RYR3: variants seen among roughly 807,000 people sequenced by gnomAD.
RYR3 encodes ryanodine receptor 3.
RYR3 carries 207 observed loss-of-function variants against 584.3 expected under a neutral mutation model. The observed-to-expected ratio is 0.35, with a 90% CI of 0.32 to 0.40. The LOEUF (loss-of-function observed/expected upper bound fraction) is 0.40. Ranked by LOEUF, RYR3 falls within the 10% of genes least tolerant of loss-of-function variation. The pLI, the probability that RYR3 is intolerant of heterozygous loss-of-function variation, is 1.00. For missense variants in RYR3, 5,616 were observed against 6,089.2 expected, an observed-to-expected ratio of 0.92 and a Z score of 2.59; for synonymous variants, 2,416 against 2,248.5, an observed-to-expected ratio of 1.07 and a Z score of -2.11.
At chr15:33,403,354 A>G (rs2042809943) in intron 1 of RYR3, among the ~76,000 whole-genome samples, 2 of 152,210 alleles carry the variant, frequency 1.3e-5, no homozygotes, top group South Asian at 2.1e-4. Context: ...CTAGACTCCA[A>G]ATGATAAGAT....
At position 33,398,014 on chromosome 15, in the gene RYR3, C is replaced by T. The variant is rs578140648; in HGVS notation, c.52-75405C>T. Among the ~76,000 whole-genome samples the T allele has an allele frequency of 9.9e-5, 15 of 152,252 alleles. 1 individual carries two copies. The South Asian group carries it at 3.1e-3, about 32-fold the overall frequency. The stretch of plus-strand genomic sequence containing the variant: ...GATTTTATTTTTAGTTTACAAATAT[C>T]ACAAGCCTGGTATGCCAAATATAAA... On this transcript the variant is annotated intron_variant, in intron 1 of 103. Coordinates refer to ENST00000634891, the MANE Select transcript of RYR3 (RefSeq NM_001036.6).
intron 2 of RYR3, among the ~76,000 whole-genome samples, chr15:33,489,890 C>T (rs1253898147): frequency 6.6e-6 from 1 of 151,580 alleles, no homozygotes; most frequent in Non-Finnish European, 1.5e-5. Context: ...TAATAATGGC[C>T]GTTCTGACTG....
chr15:33,555,251 T>G (rs7178387), intron 10 of RYR3, among the ~76,000 whole-genome samples: 2,282 of 152,238 alleles, frequency 0.015, 60 homozygotes, highest in African/African-American at 0.052. Flanking sequence ...ATGGTGCACC[T>G]GTCTCTGAAA....
chr15:33,466,206 G>A (rs1447582765), intron 1 of RYR3, among the ~76,000 whole-genome samples: 1 of 152,144 alleles, frequency 6.6e-6, no homozygotes, highest in Non-Finnish European at 1.5e-5. Context: ...AGGTAAAGAA[G>A]AGAACTCTGA....
chr15:33,374,910 A>G (rs1302401810), intron 1 of RYR3, among the ~76,000 whole-genome samples: 1 of 152,190 alleles, frequency 6.6e-6, no homozygotes, highest in African/African-American at 2.4e-5. Context: ...CCTTGCTTCT[A>G]AATTTAAAAG....
At chr15:33,788,110 G>A in intron 66 of RYR3, 108 bp from the exon 67 acceptor site, 5 of 1,354,596 alleles carry the variant, frequency 3.7e-6, no homozygotes, top group South Asian at 2.6e-5. Context: ...AGGGGCAGGT[G>A]CCATCCTGAG....
intron 1 of RYR3, among the ~76,000 whole-genome samples, chr15:33,440,582 T>A: frequency 6.6e-6 from 1 of 152,164 alleles, no homozygotes; most frequent in East Asian, 1.9e-4. Context: ...GCAGCCTTCA[T>A]AACAAAGAAT....
chr15:33,393,525 T>C (rs969936849), intron 1 of RYR3, among the ~76,000 whole-genome samples: 5 of 152,106 alleles, frequency 3.3e-5, no homozygotes, highest in African/African-American at 9.7e-5. Flanking sequence ...AGGAAGAGCT[T>C]ATTATTGATA....
In RYR3 at chr15:33,581,590, A is replaced by C; in HGVS notation, c.1520A>C (p.Glu507Ala). The C allele has an allele frequency of 6.2e-7, 1 of 1,613,706 alleles. No individual in the cohort carries two copies. The highest frequency in any genetic ancestry group is 8.5e-7 in the Non-Finnish European group (1 of 1,179,606). Residue 507 changes from glutamate to alanine, a missense_variant, in exon 14 of 104, where the codon GAA becomes GCA. Transcript: ENST00000634891. ...SVAHFAGIAR[E>A]ESGMAWKEIL... is the part of the protein sequence containing the mutation. Reference sequence around the variant, plus strand: ...GCACACTTTGCAGGGATTGCAAGGGAAGAGAGTGGCATGGCCTGGAAAGAA... The same window carrying C: ...GCACACTTTGCAGGGATTGCAAGGGCAGAGAGTGGCATGGCCTGGAAAGAA...
At chr15:33,583,774 A>C (rs1371735884) in intron 14 of RYR3, among the ~76,000 whole-genome samples, 5 of 152,126 alleles carry the variant, frequency 3.3e-5, no homozygotes, top group Admixed American at 3.3e-4. Flanking sequence ...TATTTACGCC[A>C]GGCATGGTAG....
At chr15:33,447,494 G>A (rs1304405403) in intron 1 of RYR3, among the ~76,000 whole-genome samples, 1 of 152,124 alleles carries the variant, frequency 6.6e-6, no homozygotes, top group East Asian at 1.9e-4. Flanking sequence ...GACTTCTTAG[G>A]AGGTTAAGGT....
intron 1 of RYR3, among the ~76,000 whole-genome samples, chr15:33,348,637 G>A (rs1224250289): frequency 2.0e-5 from 3 of 151,844 alleles, no homozygotes; most frequent in Non-Finnish European, 4.4e-5. Context: ...CACCATGCCC[G>A]GGCTAATTTT....
chr15:33,802,176 A>G, intron 69 of RYR3: 2 of 693,228 alleles, frequency 2.9e-6, no homozygotes, highest in South Asian at 1.4e-5. Flanking sequence ...AGCTGCTTGT[A>G]TGTCAAAAAG....
At chr15:33,653,740 C>G (rs1434169938) in intron 32 of RYR3, among the ~76,000 whole-genome samples, 1 of 152,012 alleles carries the variant, frequency 6.6e-6, no homozygotes, top group Non-Finnish European at 1.5e-5. Flanking sequence ...TTCCATAGAG[C>G]TACTCAGGAA....
chr15:33,790,437 A>G (rs939523155), intron 67 of RYR3, among the ~76,000 whole-genome samples: 5 of 152,082 alleles, frequency 3.3e-5, no homozygotes, highest in African/African-American at 1.2e-4. Context: ...CCAAATTGGG[A>G]ATGAGAGAAA....
intron 52 of RYR3, among the ~76,000 whole-genome samples, chr15:33,744,333 A>C (rs576018734): frequency 6.6e-6 from 1 of 152,288 alleles, no homozygotes; most frequent in East Asian, 1.9e-4. Context: ...TCAATTTTAC[A>C]TTCACTTGTA....
At position 33,662,803 on chromosome 15, in the gene RYR3, A is replaced by C. The variant is rs2063244543; in HGVS notation, c.5273A>C (p.His1758Pro). The C allele has an allele frequency of 1.2e-6, 2 of 1,613,880 alleles. No homozygotes were observed. The highest frequency in any genetic ancestry group is 8.5e-7 in the Non-Finnish European group (1 of 1,179,900). The change falls in exon 35 of 104, where the codon CAT becomes CCT. Residue 1758 changes from histidine to proline, a missense_variant. Transcript: ENST00000634891. ...ATTGATCCCTCTGTGTTTGGGGAGC[A>C]TAGTGCGGGGACAGAGGAGGGAGCA... ...LLIDPSVFGE[H>P]SAGTEEGAEK...
intron 4 of RYR3, among the ~76,000 whole-genome samples, chr15:33,531,865 A>G (rs1413977176): frequency 1.3e-5 from 2 of 152,164 alleles, no homozygotes; most frequent in Non-Finnish European, 2.9e-5. Flanking sequence ...GTTTATCTAT[A>G]GGGTAAATAA....
chr15:33,672,710 T>A (rs1172508103), intron 38 of RYR3, among the ~76,000 whole-genome samples: 1 of 152,248 alleles, frequency 6.6e-6, no homozygotes, highest in Non-Finnish European at 1.5e-5. Context: ...GGTAATTTTG[T>A]TCATGCTATT....
Sources: gnomAD v4.1 joint callset for allele counts (sites outside exome capture counted in the v4.1 genomes callset) on GRCh38, gnomAD v4.1.1 for gene constraint, MANE v1.5 for transcripts, NCBI Gene and HGNC (gene_info 2026-07-23, HGNC 2026-07-21) for gene names.